TPRX1: variants seen among roughly 807,000 people sequenced by gnomAD.
TPRX1 encodes the protein tetrapeptide repeat homeobox 1.
Under a neutral mutation model 8.1 loss-of-function variants are expected in TPRX1, and 2 were observed. The observed-to-expected ratio is 0.25, with a 90% confidence interval of 0.10 to 0.78. TPRX1 has a LOEUF of 0.78. Ranked by LOEUF, TPRX1 falls within the 30% of genes least tolerant of loss-of-function variation. The probability of loss-of-function intolerance (pLI) is 0.70; values close to 1 mark genes in which losing one functional copy is unlikely to be tolerated. For missense variants in TPRX1, 517 were observed against 586.9 expected (o/e 0.88, Z 1.23); for synonymous variants, 257 against 254.1 (o/e 1.01, Z -0.11).
rs1967868047 is a variant in TPRX1 at position 47,818,351 on chromosome 19, TCCATC to T, written c.151+112_151+116del. The T allele has an allele frequency of 6.2e-6, 2 of 323,532 alleles. 1 individual carries two copies. The highest frequency in any genetic ancestry group is 1.2e-5 in the Non-Finnish European group (2 of 167,122). The allele number at this position is 323,532 out of a possible 1,614,324, so 20.0% of individuals were successfully genotyped here. ...CATCCATCCATCCATCATCCATCCA[TCCATC>T]CATCCATCCATCATCCATCACCCAT... On this transcript the variant is annotated intron_variant, in intron 2 of 3. Transcript: ENST00000535759.
chr19:47,809,988 C>CT (rs1393487295), intron 2 of TPRX1, among the ~76,000 whole-genome samples: 1 of 151,986 alleles, frequency 6.6e-6, no homozygotes, highest in Non-Finnish European at 1.5e-5. Context: ...GACGCAATGA[C>CT]TCACACCTGT....
rs761471609 is a variant in TPRX1, at chr19:47,801,763, G to A, written c.*12C>T. 3.8e-6 allele frequency: 6 copies of A among 1,599,860 alleles called. No individual in the cohort carries two copies. The South Asian group carries it at 4.5e-5, about 12-fold the overall frequency. On this transcript the variant is annotated 3_prime_UTR_variant, in exon 4 of 4. Coordinates refer to ENST00000535759, the Ensembl canonical transcript of TPRX1. ...CCTCTGGGATCTGAAGAACTTTGCAGGCACAGGCCCCCTATAAATCCAGTA... is the reference window on the plus strand; with the variant it reads ...CCTCTGGGATCTGAAGAACTTTGCAAGCACAGGCCCCCTATAAATCCAGTA...
Position 47,802,976 on chromosome 19 carries a change from C to A in TPRX1, c.326G>T (p.Trp109Leu), listed in dbSNP as rs1188223662. Residue 109 changes from tryptophan to leucine, a missense_variant, in exon 4 of 4, where the codon TGG (tryptophan) becomes TTG (leucine). Physicochemically the swap from Trp to Leu is moderately conservative, Grantham distance 61. Transcript: ENST00000535759. ...TAGTTTGGCGCGGCGATTCTTGAAC[C>A]ACACCTGGGGGGCAGAGGGGACAGG... The A allele has an allele frequency of 2.3e-5, 35 of 1,550,108 alleles. No homozygotes were observed. Among genetic ancestry groups the A allele is most frequent in the Non-Finnish European group, 2.9e-5 (34 of 1,156,720 alleles).
At chr19:47,812,882 G>A (rs1967796306) in intron 2 of TPRX1, among the ~76,000 whole-genome samples, 1 of 151,858 alleles carries the variant, frequency 6.6e-6, no homozygotes, top group Non-Finnish European at 1.5e-5. Context: ...GAGGCGGGTG[G>A]ATCACTTGAG....
Position 47,816,618 on chromosome 19 carries a change from C to G in TPRX1, c.151+1850G>C, listed in dbSNP as rs1030854594. On this transcript the variant is annotated intron_variant, in intron 2 of 3. Transcript: ENST00000535759. Reference sequence around the variant, plus strand: ...CACAATCTCGGCTCACTGCAAGCAACGCCTCCCAGGTTCATGCCATTCTCC... The same window carrying G: ...CACAATCTCGGCTCACTGCAAGCAAGGCCTCCCAGGTTCATGCCATTCTCC... Among the ~76,000 whole-genome samples the G allele has an allele frequency of 5.9e-4, 87 of 147,854 alleles. 1 individual carries two copies. Among genetic ancestry groups the G allele is most frequent in the Non-Finnish European group, 1.0e-4 (7 of 67,348 alleles).
chr19:47,815,671 G>A (rs1005581147), intron 2 of TPRX1, among the ~76,000 whole-genome samples: 1 of 136,114 alleles, frequency 7.3e-6, no homozygotes, highest in African/African-American at 2.7e-5. Flanking sequence ...AAAAAAGCAG[G>A]TGTGGTGGTG....
intron 2 of TPRX1, among the ~76,000 whole-genome samples, chr19:47,810,794 G>A (rs192116962): frequency 6.6e-6 from 1 of 152,018 alleles, no homozygotes; most frequent in African/African-American, 2.4e-5. Context: ...GGTGCAGGGG[G>A]AGGGGGTTCA....
At chr19:47,817,827 C>T (rs909084511) in intron 2 of TPRX1, among the ~76,000 whole-genome samples, 3 of 152,206 alleles carry the variant, frequency 2.0e-5, no homozygotes, top group African/African-American at 7.2e-5. Context: ...TCATGTGGCT[C>T]CATGCCAGCT....
intron 2 of TPRX1, among the ~76,000 whole-genome samples, chr19:47,815,458 A>T (rs114914655): frequency 0.18 from 27,166 of 147,992 alleles, 2,632 homozygotes; most frequent in Middle Eastern, 0.24. Context: ...TGGCTCAAAG[A>T]ATACTTTAAG....
intron 2 of TPRX1, among the ~76,000 whole-genome samples, chr19:47,816,218 A>AG: frequency 6.6e-6 from 1 of 151,172 alleles, no homozygotes; most frequent in South Asian, 2.1e-4. Flanking sequence ...ATAGGCGCAC[A>AG]CCACCATACA....
At chr19:47,803,970 C>T (rs1404971958) in intron 2 of TPRX1, among the ~76,000 whole-genome samples, 1 of 151,846 alleles carries the variant, frequency 6.6e-6, no homozygotes. Context: ...CCCCTCCCAT[C>T]CAAGGGTTAT....
chr19:47,812,461 T>C (rs1180583407), intron 2 of TPRX1, among the ~76,000 whole-genome samples: 1 of 151,210 alleles, frequency 6.6e-6, no homozygotes, highest in African/African-American at 2.4e-5. Context: ...TGGCCAACCA[T>C]GGTGGCTCAT....
At chr19:47,802,279 T>C (rs1434710718) in exon 4 of TPRX1, 4 of 1,548,384 alleles carry the variant, frequency 2.6e-6, no homozygotes, top group Non-Finnish European at 3.5e-6. Flanking sequence ...GGTTCGGGCC[T>C]GAGATTGGGC....
intron 3 of TPRX1, among the ~76,000 whole-genome samples, chr19:47,803,196 C>T (rs1224679025): frequency 2.6e-5 from 4 of 151,348 alleles, no homozygotes; most frequent in Non-Finnish European, 5.9e-5. Flanking sequence ...ATGGGAGGAG[C>T]GGGGTCTGCC....
In TPRX1 at chr19:47,815,163, T is replaced by TATATATATGCAAATATATATATATATATA. The variant is rs201060804; in HGVS notation, c.151+3304_151+3305insTATATATATATATATATTTGCATATATAT. The stretch of plus-strand genomic sequence containing the variant: ...ATATATGCAAATATATATATATATA[T>TATATATATGCAAATATATATATATATATA]TTTTTTTTTTTGAGACAGTCTTGCT... On this transcript the variant is annotated intron_variant, in intron 2 of 3. Coordinates refer to ENST00000535759, the Ensembl canonical transcript of TPRX1. Among the ~76,000 whole-genome samples the TATATATATGCAAATATATATATATATATA allele has an allele frequency of 1.3e-3, 108 of 86,274 alleles. 2 individuals carry two copies. The highest frequency in any genetic ancestry group is 5.5e-3 in the African/African-American group (98 of 17,738). 56.6% of individuals were successfully genotyped at this position (86,274 alleles called of 152,430 possible).
At chr19:47,807,389 A>T (rs1450475228) in intron 2 of TPRX1, among the ~76,000 whole-genome samples, 1 of 151,994 alleles carries the variant, frequency 6.6e-6, no homozygotes, top group Non-Finnish European at 1.5e-5. Context: ...AAATTTATTT[A>T]TGTATTTGTT....
chr19:47,802,309 C>T lies in TPRX1; in HGVS notation c.993G>A (p.Pro331=), dbSNP rs12463317. The T allele has an allele frequency of 4.6e-3, 5,555 of 1,210,498 alleles. 146 individuals carry two copies. Among genetic ancestry groups the T allele is most frequent in the Non-Finnish European group, 5.5e-3 (4,988 of 908,134 alleles). 75.0% of individuals were successfully genotyped at this position (1,210,498 alleles called of 1,614,324 possible). A position where few individuals can be genotyped will look rare whatever the true frequency, so the allele number is the denominator to read the frequency against. Residue 331 remains proline, a synonymous_variant, in exon 4 of 4, where the codon CCG becomes CCA. Transcript: ENST00000535759. ...TTGGGCCTGGGATCGGGCCTGGGTT[C>T]GGGCCTGAGATTGGGCCTGGGATTG...
At chr19:47,816,442 G>A (rs1967841288) in intron 2 of TPRX1, among the ~76,000 whole-genome samples, 6 of 151,506 alleles carry the variant, frequency 4.0e-5, no homozygotes, top group Admixed American at 4.0e-4. Flanking sequence ...GTAGAGATAG[G>A]GTCTCACTAT....
At chr19:47,812,688 C>T (rs897758400) in intron 2 of TPRX1, among the ~76,000 whole-genome samples, 1 of 151,228 alleles carries the variant, frequency 6.6e-6, no homozygotes, top group African/African-American at 2.4e-5. Flanking sequence ...GAGCCAAGAT[C>T]ACACTGAGAC....
Sources: gnomAD v4.1 joint callset for allele counts (sites outside exome capture counted in the v4.1 genomes callset) on GRCh38, gnomAD v4.1.1 for gene constraint, MANE v1.5 for transcripts, NCBI Gene and HGNC (gene_info 2026-07-23, HGNC 2026-07-21) for gene names.